PRKN: variants seen among roughly 807,000 people sequenced by gnomAD.
PRKN encodes the protein parkin RBR E3 ubiquitin protein ligase, also known as E3 ubiquitin-protein ligase parkin.
In PRKN, 56 loss-of-function variants were observed where a neutral mutation model predicts 59.5. The observed-to-expected ratio is 0.94, with a 90% confidence interval of 0.76 to 1.18. The LOEUF (loss-of-function observed/expected upper bound fraction) is 1.18. PRKN is among the 50% of genes most tolerant of loss of function. PRKN has a pLI of 0.00. For missense variants in PRKN, 657 were observed against 596.4 expected (o/e 1.10, Z -1.06); for synonymous variants, 250 against 222.1 (o/e 1.13, Z -1.12).
intron 7 of PRKN, among the ~76,000 whole-genome samples, chr6:161,637,952 A>G (rs1451241275): frequency 6.6e-6 from 1 of 152,182 alleles, no homozygotes; most frequent in East Asian, 1.9e-4. Context: ...CTAGAGGTAG[A>G]GTTGGCTTTC....
chr6:161,459,868 C>T lies in PRKN; in HGVS notation c.1084-72991G>A, dbSNP rs754625468. Among the ~76,000 whole-genome samples the T allele has an allele frequency of 6.6e-6, 1 of 151,972 alleles. No individual in the cohort carries two copies. The highest frequency in any genetic ancestry group is 1.5e-5 in the Non-Finnish European group (1 of 68,026). The stretch of plus-strand genomic sequence containing the variant: ...TGGCCCAGAAATGGGTCAGCAGAAA[C>T]TATTATATTGAAAGTTGGTTTCTTG... On this transcript the variant is annotated intron_variant, in intron 9 of 11. Coordinates refer to ENST00000366898, the MANE Select transcript of PRKN (RefSeq NM_004562.3). This position sits in a 1 kb window ranked among gnomAD's most constrained non-coding sequence, Gnocchi z 4.8.
intron 1 of PRKN, among the ~76,000 whole-genome samples, chr6:162,664,087 CCT>C (rs1401970624): frequency 6.6e-6 from 1 of 152,000 alleles, no homozygotes; most frequent in Non-Finnish European, 1.5e-5. Flanking sequence ...GTGTTGTTAC[CCT>C]GTGTCCAGGT....
chr6:161,930,707 A>C (rs1779141254), intron 6 of PRKN, among the ~76,000 whole-genome samples: 1 of 152,228 alleles, frequency 6.6e-6, no homozygotes, highest in Non-Finnish European at 1.5e-5. Flanking sequence ...GGGAAATCAA[A>C]GTTGTAGATA....
chr6:161,539,147 G>T (rs1779529925), intron 9 of PRKN, among the ~76,000 whole-genome samples: 1 of 152,220 alleles, frequency 6.6e-6, no homozygotes, highest in African/African-American at 2.4e-5. Flanking sequence ...GTGCAAAGTT[G>T]CATTGGGATA....
chr6:161,565,147 T>A (rs1439316489), intron 8 of PRKN, among the ~76,000 whole-genome samples: 1 of 152,106 alleles, frequency 6.6e-6, no homozygotes, highest in Non-Finnish European at 1.5e-5. Context: ...ACACTGTTGT[T>A]GTAACACTGT....
At chr6:161,871,253 T>C (rs1794331053) in intron 6 of PRKN, among the ~76,000 whole-genome samples, 2 of 152,132 alleles carry the variant, frequency 1.3e-5, no homozygotes, top group South Asian at 4.1e-4. Flanking sequence ...ATTAGACGTA[T>C]GATGGTATCT....
chr6:161,766,924 G>A (rs1160709681), intron 7 of PRKN, among the ~76,000 whole-genome samples: 1 of 152,162 alleles, frequency 6.6e-6, no homozygotes, highest in South Asian at 2.1e-4. Flanking sequence ...TAGCTTCTGA[G>A]AGCCTTAGTT....
intron 4 of PRKN, among the ~76,000 whole-genome samples, chr6:162,077,092 T>C (rs948805257): frequency 7.9e-5 from 12 of 152,060 alleles, no homozygotes. Flanking sequence ...TTCCCCAGAC[T>C]ACCTTCACCA....
chr6:161,498,929 G>C lies in PRKN; in HGVS notation c.1083+49925C>G, dbSNP rs1232774452. ...CATGTTGAAGAGTGAGATGGGGTGA[G>C]TGTGTGTGTATGGGGATGGGGGAGG... On this transcript the variant is annotated intron_variant, in intron 9 of 11. Transcript: ENST00000366898. This position sits in a 1 kb window ranked among gnomAD's most constrained non-coding sequence, Gnocchi z 4.2. 6.6e-6 allele frequency among the ~76,000 whole-genome samples: 1 copy of C among 151,998 alleles called. No individual in the cohort carries two copies. The highest frequency in any genetic ancestry group is 1.5e-5 in the Non-Finnish European group (1 of 68,028).
At chr6:161,983,649 C>T (rs1398798630) in intron 5 of PRKN, among the ~76,000 whole-genome samples, 3 of 43,802 alleles carry the variant, frequency 6.8e-5, no homozygotes, top group African/African-American at 2.0e-4. Context: ...AGTAAACTAT[C>T]GCAAGAACAA....
At position 161,360,271 on chromosome 6, in the gene PRKN, C is replaced by G. The variant is rs555480305; in HGVS notation, c.1168-66G>C. On this transcript the variant is annotated intron_variant, in intron 10 of 11. Transcript: ENST00000366898. This position sits in a 1 kb window ranked among gnomAD's most constrained non-coding sequence, Gnocchi z 5.1. ...TATTACTGGGATCAGAGTTTATGTT[C>G]CCTGTACGTCGGTACAGGAAATTCT... is the stretch of plus-strand genomic sequence containing the variant. The G allele has an allele frequency of 1.2e-5, 15 of 1,257,424 alleles. No homozygotes were observed. Among genetic ancestry groups the G allele is most frequent in the Middle Eastern group, 1.9e-4 (1 of 5,368 alleles). The allele number at this position is 1,257,424 out of a possible 1,614,324, so 77.9% of individuals were successfully genotyped here. A position where few individuals can be genotyped will look rare whatever the true frequency, so the allele number is the denominator to read the frequency against.
chr6:162,196,439 T>C (rs943489797), intron 4 of PRKN, among the ~76,000 whole-genome samples: 4 of 152,200 alleles, frequency 2.6e-5, no homozygotes, highest in Non-Finnish European at 4.4e-5. Flanking sequence ...CAACCTCCCT[T>C]GTGTGTTCAA....
intron 2 of PRKN, among the ~76,000 whole-genome samples, chr6:162,287,111 G>A (rs945524793): frequency 2.0e-5 from 3 of 152,170 alleles, no homozygotes; most frequent in African/African-American, 4.8e-5. Context: ...GTACAGATGT[G>A]TGAAACTCAG....
chr6:161,351,355 G>A (rs570139592), intron 11 of PRKN, among the ~76,000 whole-genome samples: 23 of 148,534 alleles, frequency 1.5e-4, no homozygotes, highest in Non-Finnish European at 3.0e-4. Flanking sequence ...ATGGAGTTTT[G>A]CTCTTGTCGT....
intron 6 of PRKN, among the ~76,000 whole-genome samples, chr6:161,827,937 A>AACTTGGTT (rs1361809239): frequency 6.6e-6 from 1 of 152,210 alleles, no homozygotes; most frequent in Non-Finnish European, 1.5e-5. Flanking sequence ...CAAGTTTACT[A>AACTTGGTT]ACTGACTTTG....
At chr6:162,419,043 C>A (rs1788814091) in intron 2 of PRKN, among the ~76,000 whole-genome samples, 2 of 151,846 alleles carry the variant, frequency 1.3e-5, no homozygotes, top group Admixed American at 1.3e-4. Flanking sequence ...CTTCCTTAGG[C>A]TCCAGGAAAA....
intron 4 of PRKN, among the ~76,000 whole-genome samples, chr6:162,149,421 T>C (rs1466691840): frequency 1.3e-5 from 2 of 151,964 alleles, no homozygotes; most frequent in Admixed American, 1.3e-4. Flanking sequence ...AGTTTTGCAT[T>C]TTTAGTAGAG....
chr6:162,364,028 G>A lies in PRKN; in HGVS notation c.171+79282C>T, dbSNP rs1000116908. Among the ~76,000 whole-genome samples the A allele has an allele frequency of 5.3e-5, 8 of 152,218 alleles. No homozygotes were observed. The East Asian group carries it at 1.5e-3, about 29-fold the overall frequency. Reference sequence around the variant, plus strand: ...CTTCATTCCCTGCACACAAGCTGCTGCACTGCTGAGCACTGTGTAATAAAG... The same window carrying A: ...CTTCATTCCCTGCACACAAGCTGCTACACTGCTGAGCACTGTGTAATAAAG... On this transcript the variant is annotated intron_variant, in intron 2 of 11. Transcript: ENST00000366898.
At chr6:162,396,095 C>T (rs1787461734) in intron 2 of PRKN, among the ~76,000 whole-genome samples, 1 of 152,090 alleles carries the variant, frequency 6.6e-6, no homozygotes, top group Non-Finnish European at 1.5e-5. Context: ...CTGGGCAAGG[C>T]CTTAAGCTGA....
Sources: allele counts gnomAD v4.1 joint callset (sites outside exome capture counted in the v4.1 genomes callset), GRCh38; gene constraint gnomAD v4.1.1; non-coding constraint Gnocchi (gnomAD v3.1); transcripts MANE v1.5; gene names NCBI Gene and HGNC (gene_info 2026-07-23, HGNC 2026-07-21).